The following FHL2 variants were observed in gnomAD, a reference collection of about 807,000 sequenced individuals.
The protein encoded by FHL2 is four and a half LIM domains 2.
FHL2 carries 20 observed loss-of-function variants against 32.7 expected under a neutral mutation model. That is an observed-to-expected ratio of 0.61 (90% confidence interval 0.43 to 0.89). The LOEUF (loss-of-function observed/expected upper bound fraction) is 0.89. FHL2 is among the 40% of genes least tolerant of loss of function. FHL2 has a pLI of 0.00. For missense variants in FHL2, 311 were observed against 358.6 expected, an observed-to-expected ratio of 0.87 and a Z score of 1.07; for synonymous variants, 123 against 128.1, an observed-to-expected ratio of 0.96 and a Z score of 0.27.
chr2:105,410,583 A>G (rs2104654808), intron 1 of FHL2, among the ~76,000 whole-genome samples: 1 of 152,304 alleles, frequency 6.6e-6, no homozygotes, highest in Non-Finnish European at 1.5e-5. Flanking sequence ...TTTGACTGCT[A>G]ATCTCTGGGA....
chr2:105,377,844 TC>T, intron 3 of FHL2: 4 of 352,124 alleles, frequency 1.1e-5, no homozygotes, highest in South Asian at 4.4e-5. Flanking sequence ...GGGGAGGAGA[TC>T]CTTGGCCTCT....
chr2:105,401,785 A>G (rs907963398), upstream of FHL2, among the ~76,000 whole-genome samples: 1 of 152,154 alleles, frequency 6.6e-6, no homozygotes, highest in African/African-American at 2.4e-5. Context: ...AAAGTAGAGA[A>G]CACTTTGTAG....
chr2:105,433,691 A>G (rs1415116545), intron 1 of FHL2, among the ~76,000 whole-genome samples: 1 of 152,134 alleles, frequency 6.6e-6, no homozygotes, highest in Non-Finnish European at 1.5e-5. Context: ...GTACATCCTG[A>G]GTGTGTGTGC....
chr2:105,407,391 C>CA (rs35638962), intron 1 of FHL2, among the ~76,000 whole-genome samples: 7,102 of 78,234 alleles, frequency 0.091, 282 homozygotes, highest in African/African-American at 0.13. Context: ...GACTCTGTCT[C>CA]AAAAAAAAAA....
At chr2:105,403,771 A>G (rs1683545081), upstream of FHL2, among the ~76,000 whole-genome samples, 1 of 152,226 alleles carries the variant, frequency 6.6e-6, no homozygotes, top group Admixed American at 6.5e-5. Context: ...GGAAATAGAG[A>G]TAGACTAAAC....
rs1573393929 is a variant in FHL2, at chr2:105,413,266, A to G, written c.-25+25133T>C. ...CTGCAACCCTCTTCCCTATTTCTTC[A>G]CTCTCCTGACAAAAAGGGACTGAAA... On this transcript the variant is annotated intron_variant, in intron 1 of 5. Coordinates refer to the FHL2 transcript ENST00000393352. 2.0e-5 allele frequency among the ~76,000 whole-genome samples: 3 copies of G among 152,190 alleles called. No individual in the cohort carries two copies. In the South Asian group the frequency reaches 6.2e-4, roughly 32 times the overall value.
At chr2:105,426,051 C>T (rs1007047310) in intron 1 of FHL2, among the ~76,000 whole-genome samples, 10 of 152,112 alleles carry the variant, frequency 6.6e-5, no homozygotes, top group African/African-American at 2.4e-4. Flanking sequence ...GCAGGCCACT[C>T]CTTCATATAT....
intron 1 of FHL2, chr2:105,397,010 GTTT>G (rs35576785): frequency 6.4e-5 from 7 of 108,718 alleles, no homozygotes; most frequent in East Asian, 2.8e-4. Flanking sequence ...TATCTAGTCT[GTTT>G]TTTTTTTTTT....
At chr2:105,386,028 G>C (rs1412992128) in intron 3 of FHL2, 4 of 412,946 alleles carry the variant, frequency 9.7e-6, no homozygotes, top group Non-Finnish European at 1.7e-5. Flanking sequence ...GGGGCAAACA[G>C]ACAAGAGGAA....
intron 1 of FHL2, among the ~76,000 whole-genome samples, chr2:105,427,289 A>G (rs900489865): frequency 2.0e-5 from 3 of 152,194 alleles, no homozygotes; most frequent in Non-Finnish European, 4.4e-5. Flanking sequence ...ATTCCCTTTA[A>G]TTCTATTTTT....
chr2:105,417,523 A>G (rs188596451), intron 1 of FHL2, among the ~76,000 whole-genome samples: 5 of 151,944 alleles, frequency 3.3e-5, no homozygotes, highest in Non-Finnish European at 7.4e-5. Flanking sequence ...GTCTCTACTA[A>G]AATACAGAAA....
chr2:105,387,371 C>G (rs1299403797), intron 2 of FHL2, among the ~76,000 whole-genome samples: 3 of 152,166 alleles, frequency 2.0e-5, no homozygotes, highest in Non-Finnish European at 4.4e-5. Context: ...AATGAGGGCA[C>G]TAATACCCTT....
chr2:105,367,310 AG>A (rs1680705115), intron 5 of FHL2, among the ~76,000 whole-genome samples: 2 of 152,202 alleles, frequency 1.3e-5, no homozygotes, highest in Admixed American at 1.3e-4. Context: ...TATCAACATA[AG>A]AACATATTTA....
chr2:105,361,216 C>G lies in FHL2; in HGVS notation c.*67G>C. ...GGAAGAAACCAGAAGGCAAGATTGC[C>G]TGGGTGAGAAAGAAAACATAAAAAT... is the stretch of plus-strand genomic sequence containing the variant. On this transcript the variant is annotated 3_prime_UTR_variant, in exon 7 of 7. Coordinates refer to ENST00000530340, the MANE Select transcript of FHL2 (RefSeq NM_001318895.3). The G allele has an allele frequency of 1.3e-6, 2 of 1,521,214 alleles. No individual in the cohort carries two copies. The highest frequency in any genetic ancestry group is 1.8e-6 in the Non-Finnish European group (2 of 1,116,250). The allele number at this position is 1,521,214 out of a possible 1,614,324, so 94.2% of individuals were successfully genotyped here.
chr2:105,373,165 G>A (rs979598107), intron 4 of FHL2, among the ~76,000 whole-genome samples: 8 of 152,196 alleles, frequency 5.3e-5, no homozygotes, highest in South Asian at 2.1e-4. Flanking sequence ...TGCCTGGCAC[G>A]CAAGGGCACC....
chr2:105,413,598 C>T (rs1480993313), intron 1 of FHL2, among the ~76,000 whole-genome samples: 2 of 152,136 alleles, frequency 1.3e-5, no homozygotes, highest in African/African-American at 2.4e-5. Context: ...CTCAGCCTCC[C>T]GACAAGCTGG....
intron 3 of FHL2, among the ~76,000 whole-genome samples, chr2:105,382,575 C>T (rs766750793): frequency 2.0e-5 from 3 of 152,226 alleles, no homozygotes; most frequent in Non-Finnish European, 4.4e-5. Flanking sequence ...GCAGTTTAGG[C>T]ATTTACAAGT....
chr2:105,398,947 C>A lies in FHL2; in HGVS notation c.-181G>T, dbSNP rs769994234. The A allele has an allele frequency of 6.5e-7, 1 of 1,533,326 alleles. No individual in the cohort carries two copies. Among genetic ancestry groups the A allele is most frequent in the Non-Finnish European group, 8.7e-7 (1 of 1,143,360 alleles). 95.0% of individuals were successfully genotyped at this position (1,533,326 alleles called of 1,614,324 possible). A position where few individuals can be genotyped will look rare whatever the true frequency, so the allele number is the denominator to read the frequency against. On this transcript the variant is annotated 5_prime_UTR_variant, in exon 1 of 7. Transcript: ENST00000530340. ...TAAGCCCCTCGGCCTCCCTCCGGGG[C>A]GCAGGGGGTTGGAGGTACTCACGGC...
At position 105,363,414 on chromosome 2, in the gene FHL2, C is replaced by G; in HGVS notation, c.559G>C (p.Val187Leu). The G allele has an allele frequency of 4.3e-6, 7 of 1,613,248 alleles. No individual in the cohort carries two copies. Among genetic ancestry groups the G allele is most frequent in the Non-Finnish European group, 5.1e-6 (6 of 1,179,662 alleles). Residue 187 changes from valine to leucine, a missense_variant, in exon 6 of 7, where the codon GTG (valine) becomes CTG (leucine). Val to Leu is a conservative substitution (Grantham distance 32, BLOSUM62 1). Transcript: ENST00000530340. ...REQPWHKECF[V>L]CTACRKQLSG... is the part of the protein sequence containing the mutation. ...AGCTGCTTCCTGCAGGCGGTGCACA[C>G]GAAGCACTCCTTGTGCCAGGGCTGC... is the stretch of plus-strand genomic sequence containing the variant.
Sources: allele counts gnomAD v4.1 joint callset (sites outside exome capture counted in the v4.1 genomes callset), GRCh38; gene constraint gnomAD v4.1.1; transcripts MANE v1.5; gene names NCBI Gene and HGNC (gene_info 2026-07-23, HGNC 2026-07-21).